Variants in PDXDC1 observed in about 807,000 individuals in gnomAD.
PDXDC1 encodes the protein pyridoxal dependent decarboxylase domain containing 1.
In PDXDC1, 42 loss-of-function variants were observed where a neutral mutation model predicts 100.1. The ratio of observed to expected loss-of-function variants is 0.42; its 90% confidence interval spans 0.33 to 0.54. PDXDC1 has a LOEUF of 0.54. Among genes scored for constraint, PDXDC1 ranks in the 20% least tolerant of loss-of-function variants. The pLI, the probability that PDXDC1 is intolerant of heterozygous loss-of-function variation, is 0.10. For synonymous variants in PDXDC1, 260 were observed against 371.7 expected, an observed-to-expected ratio of 0.70 and a Z score of 3.46; for missense variants, 636 against 979.2, an observed-to-expected ratio of 0.65 and a Z score of 4.68.
At chr16:15,119,441 T>TTCTG (rs2047362012) in intron 16 of PDXDC1, among the ~76,000 whole-genome samples, 1 of 146,482 alleles carries the variant, frequency 6.8e-6, no homozygotes, top group Admixed American at 7.0e-5. Flanking sequence ...TGAGACAGAG[T>TTCTG]TCTGCTCCAC....
intron 16 of PDXDC1, chr16:15,060,706 G>C (rs1255535160): frequency 6.6e-6 from 1 of 152,402 alleles, no homozygotes; most frequent in Non-Finnish European, 1.5e-5. Flanking sequence ...AGAGGCTTTA[G>C]AGAAGGATTT....
intron 8 of PDXDC1, among the ~76,000 whole-genome samples, chr16:15,012,603 G>T (rs2041411343): frequency 6.6e-6 from 1 of 152,290 alleles, no homozygotes; most frequent in African/African-American, 2.4e-5. Flanking sequence ...CCAACACTTG[G>T]GAAGGCTGAG....
chr16:15,031,203 T>G lies in PDXDC1; in HGVS notation c.1400-532T>G, dbSNP rs1026398133. On this transcript the variant is annotated intron_variant, in intron 16 of 22. Coordinates refer to ENST00000396410, the MANE Select transcript of PDXDC1 (RefSeq NM_015027.4). ...AACTCCTGGCCTTAAGTGATCCTCC[T>G]GGCTCAGATTCCCAAAGCACTGGCC... 2.1e-5 allele frequency among the ~76,000 whole-genome samples: 3 copies of G among 146,124 alleles called. No individual in the cohort carries two copies. In the Admixed American group the frequency reaches 2.2e-4, roughly 11 times the overall value.
intron 16 of PDXDC1, among the ~76,000 whole-genome samples, chr16:15,067,880 C>T: frequency 6.6e-6 from 1 of 151,954 alleles, no homozygotes; most frequent in Non-Finnish European, 1.5e-5. Flanking sequence ...ACCTCAGCCT[C>T]CTGAGTAGTT....
intron 16 of PDXDC1, chr16:15,072,986 T>C (rs1488224030): frequency 1.2e-6 from 2 of 1,613,784 alleles, no homozygotes; most frequent in Admixed American, 1.7e-5. Context: ...TGAAAAACTG[T>C]ACATGGCAGG....
intron 16 of PDXDC1, among the ~76,000 whole-genome samples, chr16:15,031,187 C>A (rs920550907): frequency 1.5e-4 from 22 of 143,718 alleles, no homozygotes; most frequent in African/African-American, 5.4e-4. Context: ...GAACTCCTGG[C>A]CTTAAGTGAT....
In PDXDC1 at chr16:15,086,006, C is replaced by T. The variant is rs2045903509; in HGVS notation, c.1400-52873C>T. Reference sequence around the variant, plus strand: ...GGTCATTACGGGGAATATATGTCTACCAGACCTGGTGCCAATATGCATCTG... The same window carrying T: ...GGTCATTACGGGGAATATATGTCTATCAGACCTGGTGCCAATATGCATCTG... On this transcript the variant is annotated intron_variant, in intron 16 of 16. Transcript: ENST00000535621. 5 of 673,200 alleles carry T rather than the reference C, an allele frequency of 7.4e-6. No homozygotes were observed. In the South Asian group the frequency reaches 9.9e-5, roughly 13 times the overall value. 41.7% of individuals were successfully genotyped at this position (673,200 alleles called of 1,614,324 possible).
At chr16:15,023,861 G>A (rs1311444804) in intron 13 of PDXDC1, among the ~76,000 whole-genome samples, 1 of 152,286 alleles carries the variant, frequency 6.6e-6, no homozygotes, top group Non-Finnish European at 1.5e-5. Flanking sequence ...GGGTGGCCCT[G>A]TGACATTGAG....
At chr16:15,140,469 A>T (rs552893072), downstream of PDXDC1, among the ~76,000 whole-genome samples, 2 of 150,380 alleles carry the variant, frequency 1.3e-5, no homozygotes, top group Non-Finnish European at 3.0e-5. Flanking sequence ...AAAAAAAAAG[A>T]AAAAGGACGG....
intron 16 of PDXDC1, chr16:15,125,842 C>G (rs759232513): frequency 2.3e-6 from 2 of 880,908 alleles, no homozygotes; most frequent in Non-Finnish European, 3.7e-6. Context: ...CGGGCGGCAG[C>G]TCAGACCTGC....
At chr16:15,096,357 C>T (rs2046356803) in intron 16 of PDXDC1, among the ~76,000 whole-genome samples, 1 of 152,168 alleles carries the variant, frequency 6.6e-6, no homozygotes, top group South Asian at 2.1e-4. Context: ...GATCCGCCCG[C>T]CTTGGCATCC....
At position 15,037,819 on chromosome 16, in the gene PDXDC1, T is replaced by A. The variant is rs974425175; in HGVS notation, c.*1544T>A. ...GACCAAAAAAAAAACTGGACATCAATTTTTTAGTAAACCAAAAAATAAGTC... is the reference window on the plus strand; with the variant it reads ...GACCAAAAAAAAAACTGGACATCAAATTTTTAGTAAACCAAAAAATAAGTC... On this transcript the variant is annotated 3_prime_UTR_variant, in exon 23 of 23. Coordinates refer to ENST00000396410, the MANE Select transcript of PDXDC1 (RefSeq NM_015027.4). The A allele has an allele frequency of 2.6e-5, 12 of 463,300 alleles. No individual in the cohort carries two copies. Among genetic ancestry groups the A allele is most frequent in the Admixed American group, 7.7e-5 (2 of 25,886 alleles). The allele number at this position is 463,300 out of a possible 1,614,324, so 28.7% of individuals were successfully genotyped here. A position where few individuals can be genotyped will look rare whatever the true frequency, so the allele number is the denominator to read the frequency against.
intron 1 of PDXDC1, among the ~76,000 whole-genome samples, chr16:14,991,733 G>A (rs1193681976): frequency 1.3e-5 from 2 of 152,082 alleles, no homozygotes; most frequent in Admixed American, 6.6e-5. Context: ...TGTTGCCCAG[G>A]CTCATCTCAA....
intron 16 of PDXDC1, chr16:15,085,829 C>T (rs2966179): frequency 0.71 from 941,536 of 1,321,134 alleles, 340,322 homozygotes; most frequent in Non-Finnish European, 0.74. Context: ...CAAAGTTAGC[C>T]CAATGATTAA....
intron 16 of PDXDC1, chr16:15,131,314 G>A (rs531175591): frequency 2.6e-6 from 4 of 1,560,590 alleles, no homozygotes; most frequent in South Asian, 1.1e-5. Context: ...TGTCTGGAAC[G>A]CCATCGAGGC....
rs547632674 is a variant in PDXDC1 at position 15,037,968 on chromosome 16, C to T, written c.*1693C>T. 93 of 1,244,680 alleles carry T rather than the reference C, an allele frequency of 7.5e-5. No individual in the cohort carries two copies. Among genetic ancestry groups the T allele is most frequent in the East Asian group, 1.6e-4 (7 of 42,980 alleles). The allele number at this position is 1,244,680 out of a possible 1,614,324, so 77.1% of individuals were successfully genotyped here. ...CAGATGTAGGATCCAGATCTGGATT[C>T]GTGCCAGCCCCACCAATGGTCTGTC... On this transcript the variant is annotated 3_prime_UTR_variant, in exon 23 of 23. Transcript: ENST00000396410.
At chr16:15,102,424 G>A (rs2046589018) in intron 16 of PDXDC1, among the ~76,000 whole-genome samples, 1 of 151,580 alleles carries the variant, frequency 6.6e-6, no homozygotes, top group South Asian at 2.1e-4. Flanking sequence ...AAGGGTCAAT[G>A]GGCAGACATG....
At chr16:15,131,595 G>T in intron 16 of PDXDC1, 1 of 1,604,208 alleles carries the variant, frequency 6.2e-7, no homozygotes, top group Non-Finnish European at 8.5e-7. Flanking sequence ...TGCGCATGAG[G>T]GCAGAGGTCA....
At position 15,101,562 on chromosome 16, in the gene PDXDC1, T is replaced by A. The variant is rs540291881; in HGVS notation, c.1400-37317T>A. On this transcript the variant is annotated intron_variant, in intron 16 of 16. Coordinates refer to the PDXDC1 transcript ENST00000535621. ...CATGGTCTCTACTAAACCCTGTCTC[T>A]ACTAAAAATACAAAAATTACCCAGG... is the stretch of plus-strand genomic sequence containing the variant. Among the ~76,000 whole-genome samples, 11 of 151,216 alleles carry A rather than the reference T, an allele frequency of 7.3e-5. No homozygotes were observed. In the South Asian group the frequency reaches 2.3e-3, roughly 32 times the overall value.
Sources: gnomAD v4.1 joint callset for allele counts (sites outside exome capture counted in the v4.1 genomes callset) on GRCh38, gnomAD v4.1.1 for gene constraint, MANE v1.5 for transcripts, NCBI Gene and HGNC (gene_info 2026-07-23, HGNC 2026-07-21) for gene names.